DPP10: variants seen among roughly 807,000 people sequenced by gnomAD.
DPP10 encodes dipeptidyl peptidase like 10, also known as inactive dipeptidyl peptidase 10.
A neutral mutation model predicts 120.9 loss-of-function variants in DPP10; 33 were observed. The ratio of observed to expected loss-of-function variants is 0.27; its 90% CI spans 0.21 to 0.37. The LOEUF (loss-of-function observed/expected upper bound fraction) is 0.37. DPP10 is among the 10% of genes least tolerant of loss of function. The pLI, the probability that DPP10 is intolerant of heterozygous loss-of-function variation, is 1.00. For missense variants in DPP10, 816 were observed against 942.8 expected (o/e 0.87, Z 1.76); for synonymous variants, 337 against 326.1 (o/e 1.03, Z -0.36).
chr2:115,010,915 G>T (rs998504929), intron 1 of DPP10, among the ~76,000 whole-genome samples: 1 of 152,128 alleles, frequency 6.6e-6, no homozygotes, highest in East Asian at 1.9e-4. Context: ...AAAGGCAAAC[G>T]TAAACATGAT....
intron 2 of DPP10, among the ~76,000 whole-genome samples, chr2:115,328,517 C>T (rs74622702): frequency 0.025 from 3,850 of 152,052 alleles, 175 homozygotes; most frequent in African/African-American, 0.087. Flanking sequence ...CACTTTGAGT[C>T]ACTGCCAAAA....
intron 1 of DPP10, among the ~76,000 whole-genome samples, chr2:115,080,507 G>C (rs1708186071): frequency 6.6e-6 from 1 of 152,074 alleles, no homozygotes; most frequent in African/African-American, 2.4e-5. Flanking sequence ...TCTGTAAATA[G>C]AGTTTTGTCG....
chr2:115,077,226 A>G (rs1281710914), intron 1 of DPP10, among the ~76,000 whole-genome samples: 1 of 152,188 alleles, frequency 6.6e-6, no homozygotes, highest in Non-Finnish European at 1.5e-5. Flanking sequence ...TCAAAATAAC[A>G]TGAGTAAAAT....
intron 1 of DPP10, chr2:115,297,327 G>A: frequency 2.9e-6 from 1 of 347,766 alleles, no homozygotes; most frequent in Non-Finnish European, 5.9e-6. Flanking sequence ...GCCCAGGTGG[G>A]CAGACCAGGC....
At chr2:115,663,943 C>A (rs1053106187) in intron 5 of DPP10, among the ~76,000 whole-genome samples, 5 of 151,570 alleles carry the variant, frequency 3.3e-5, no homozygotes, top group Non-Finnish European at 7.4e-5. Flanking sequence ...TGCAGTGAGC[C>A]GAGATCGTGC....
intron 1 of DPP10, among the ~76,000 whole-genome samples, chr2:114,923,245 G>T (rs1242301958): frequency 1.3e-5 from 2 of 148,990 alleles, no homozygotes; most frequent in East Asian, 2.0e-4. Flanking sequence ...GTGCAGTGGC[G>T]CAATCTGAGC....
intron 1 of DPP10, among the ~76,000 whole-genome samples, chr2:115,118,778 TGTG>T (rs1394068822): frequency 1.3e-5 from 2 of 151,266 alleles, no homozygotes; most frequent in African/African-American, 4.9e-5. Context: ...TGTGTGTGTG[TGTG>T]TGTGTGTGTG....
intron 1 of DPP10, among the ~76,000 whole-genome samples, chr2:114,794,539 G>A (rs1043019438): frequency 6.6e-6 from 1 of 152,178 alleles, no homozygotes; most frequent in Admixed American, 6.5e-5. Context: ...GTTCTGGCAA[G>A]GGAATTCAGA....
At chr2:114,447,638 A>C (rs976326047) in intron 1 of DPP10, among the ~76,000 whole-genome samples, 5 of 152,122 alleles carry the variant, frequency 3.3e-5, no homozygotes, top group African/African-American at 1.2e-4. Flanking sequence ...AATACATAAA[A>C]AGAAACTTTA....
chr2:115,491,751 A>T (rs2076137028), intron 3 of DPP10, among the ~76,000 whole-genome samples: 1 of 152,128 alleles, frequency 6.6e-6, no homozygotes, highest in Admixed American at 6.6e-5. Context: ...CTTTGGATTT[A>T]GGTGGCTTTT....
chr2:114,461,662 C>T (rs573947061), intron 1 of DPP10: 1 of 985,374 alleles, frequency 1.0e-6, no homozygotes, highest in African/African-American at 1.7e-5. Flanking sequence ...AGGGCCTGCT[C>T]TTCGGAGACA....
At chr2:115,233,215 G>A (rs1257642887) in intron 1 of DPP10, among the ~76,000 whole-genome samples, 1 of 8,692 alleles carries the variant, frequency 1.2e-4, no homozygotes, top group East Asian at 0.013. Flanking sequence ...TATATTGAGT[G>A]TGTGTGTGTG....
chr2:115,306,957 A>T (rs948344044), intron 1 of DPP10, among the ~76,000 whole-genome samples: 1 of 152,080 alleles, frequency 6.6e-6, no homozygotes, highest in African/African-American at 2.4e-5. Flanking sequence ...TTGATTCTTT[A>T]ATGTACTTGT....
chr2:114,837,503 G>T (rs1414848581), intron 1 of DPP10, among the ~76,000 whole-genome samples: 2 of 151,992 alleles, frequency 1.3e-5, no homozygotes, highest in South Asian at 2.1e-4. Flanking sequence ...CCATGAATAC[G>T]TTTTAATTAT....
intron 11 of DPP10, among the ~76,000 whole-genome samples, chr2:115,755,990 C>A (rs1284559473): frequency 6.6e-6 from 1 of 151,712 alleles, no homozygotes; most frequent in Non-Finnish European, 1.5e-5. Context: ...CAATGGAATA[C>A]TATTCAGCCA....
chr2:115,026,125 C>T (rs7607251), intron 1 of DPP10, among the ~76,000 whole-genome samples: 62,933 of 151,894 alleles, frequency 0.41, 13,182 homozygotes, highest in South Asian at 0.54. Flanking sequence ...ATTTCCCTAA[C>T]GTTTTCTTTT....
intron 5 of DPP10, among the ~76,000 whole-genome samples, chr2:115,627,706 T>C (rs1300856919): frequency 6.6e-6 from 1 of 152,078 alleles, no homozygotes; most frequent in African/African-American, 2.4e-5. Flanking sequence ...AGGGCCCTAG[T>C]GAGTGTTGTT....
chr2:115,324,094 G>C (rs929527243), intron 2 of DPP10, among the ~76,000 whole-genome samples: 1 of 152,046 alleles, frequency 6.6e-6, no homozygotes, highest in Admixed American at 6.6e-5. Context: ...TGGCTAACAC[G>C]ATGAGAATCC....
chr2:114,621,851 G>T (rs940915833), intron 1 of DPP10, among the ~76,000 whole-genome samples: 1 of 151,462 alleles, frequency 6.6e-6, no homozygotes, highest in Non-Finnish European at 1.5e-5. Context: ...CCCTCAAAAT[G>T]CAATTTGATT....
Sources: allele counts gnomAD v4.1 joint callset (sites outside exome capture counted in the v4.1 genomes callset), GRCh38; gene constraint gnomAD v4.1.1; transcripts MANE v1.5; gene names NCBI Gene and HGNC (gene_info 2026-07-23, HGNC 2026-07-21).